ARHGAP19: variants seen among roughly 807,000 people sequenced by gnomAD.
ARHGAP19 encodes Rho GTPase activating protein 19, also known as rho GTPase-activating protein 19.
Under a neutral mutation model 60.9 loss-of-function variants are expected in ARHGAP19, and 48 were observed. The ratio of observed to expected loss-of-function variants is 0.79; its 90% CI spans 0.62 to 1.00. The LOEUF is 1.00. Among genes scored for constraint, ARHGAP19 ranks in the 50% least tolerant of loss-of-function variants. The probability of loss-of-function intolerance (pLI) is 0.00; values close to 1 mark genes in which losing one functional copy is unlikely to be tolerated. For missense variants in ARHGAP19, 562 were observed against 597.2 expected, an observed-to-expected ratio of 0.94 and a Z score of 0.61; for synonymous variants, 209 against 215.5, an observed-to-expected ratio of 0.97 and a Z score of 0.27.
At chr10:97,242,842 G>T (rs556979158) in intron 8 of ARHGAP19, among the ~76,000 whole-genome samples, 10 of 151,982 alleles carry the variant, frequency 6.6e-5, no homozygotes, top group African/African-American at 2.4e-4. Flanking sequence ...TAGAGACGGG[G>T]TTTCTCCATG....
chr10:97,255,818 C>A (rs1216721452), intron 6 of ARHGAP19, among the ~76,000 whole-genome samples: 2 of 152,058 alleles, frequency 1.3e-5, no homozygotes, highest in African/African-American at 4.8e-5. Flanking sequence ...CAGCAGGTGA[C>A]CAAGGTAGGG....
At chr10:97,246,684 A>T (rs1023661948) in intron 6 of ARHGAP19, among the ~76,000 whole-genome samples, 1 of 152,222 alleles carries the variant, frequency 6.6e-6, no homozygotes, top group African/African-American at 2.4e-5. Context: ...CTTACAAATT[A>T]TAAGTGGTCT....
At chr10:97,270,119 G>T (rs1389897566) in intron 1 of ARHGAP19, among the ~76,000 whole-genome samples, 2 of 151,880 alleles carry the variant, frequency 1.3e-5, no homozygotes, top group Admixed American at 1.3e-4. Context: ...AGATACCTTG[G>T]ATCTCCTAAC....
Position 97,224,898 on chromosome 10 carries a change from C to G in ARHGAP19, c.*1224G>C, listed in dbSNP as rs1850867367. On this transcript the variant is annotated 3_prime_UTR_variant, in exon 12 of 12. Transcript: ENST00000358531. ...AGCTCTGGCCCCATCTCCAAATTACCACCTGTGTCCCTTCTGACAAAGAGA... is the reference window on the plus strand; with the variant it reads ...AGCTCTGGCCCCATCTCCAAATTACGACCTGTGTCCCTTCTGACAAAGAGA... 6.6e-6 allele frequency: 1 copy of G among 152,412 alleles called. No individual in the cohort carries two copies. The allele number at this position is 152,412 out of a possible 1,614,324, so 9.4% of individuals were successfully genotyped here.
At position 97,222,560 on chromosome 10, in the gene ARHGAP19, T is replaced by C. The variant is rs1850823227; in HGVS notation, c.*3562A>G. 1 of 152,362 alleles carries C rather than the reference T, an allele frequency of 6.6e-6. No homozygotes were observed. Among genetic ancestry groups the C allele is most frequent in the Non-Finnish European group, 1.5e-5 (1 of 68,066 alleles). The allele number at this position is 152,362 out of a possible 1,614,324, so 9.4% of individuals were successfully genotyped here. On this transcript the variant is annotated 3_prime_UTR_variant, in exon 12 of 12. Coordinates refer to ENST00000358531, the MANE Select transcript of ARHGAP19 (RefSeq NM_032900.6). ...TGGCCTGCTTCTGTCAACTCTACGCTGGTAGAAGATCTCGGCATTAGCTGT... is the reference window on the plus strand; with the variant it reads ...TGGCCTGCTTCTGTCAACTCTACGCCGGTAGAAGATCTCGGCATTAGCTGT...
intron 1 of ARHGAP19, among the ~76,000 whole-genome samples, chr10:97,270,065 T>C (rs1337892161): frequency 6.6e-6 from 1 of 152,090 alleles, no homozygotes; most frequent in Non-Finnish European, 1.5e-5. Context: ...AATAAACAGG[T>C]TCAAGACTGC....
At chr10:97,238,642 G>A (rs1285817876) in intron 8 of ARHGAP19, among the ~76,000 whole-genome samples, 1 of 152,166 alleles carries the variant, frequency 6.6e-6, no homozygotes, top group Non-Finnish European at 1.5e-5. Flanking sequence ...TAGTGTTTTT[G>A]TGTTTTAAGC....
At chr10:97,257,896 G>A (rs1459116016) in intron 5 of ARHGAP19, among the ~76,000 whole-genome samples, 1 of 151,894 alleles carries the variant, frequency 6.6e-6, no homozygotes, top group Non-Finnish European at 1.5e-5. Context: ...CTTCCCAACA[G>A]CCTTGTGGGG....
chr10:97,236,150 T>C (rs1042316336), intron 8 of ARHGAP19, among the ~76,000 whole-genome samples: 2 of 152,148 alleles, frequency 1.3e-5, no homozygotes, highest in Admixed American at 1.3e-4. Flanking sequence ...TAATTTTTTC[T>C]ATTTTTAGTA....
chr10:97,261,314 T>C (rs1842827431), intron 4 of ARHGAP19, among the ~76,000 whole-genome samples: 1 of 146,792 alleles, frequency 6.8e-6, no homozygotes, highest in Non-Finnish European at 1.5e-5. Context: ...TCTCTGTTAA[T>C]ATGAAACTGA....
At chr10:97,269,519 T>C (rs1016463050) in intron 1 of ARHGAP19, among the ~76,000 whole-genome samples, 2 of 152,316 alleles carry the variant, frequency 1.3e-5, no homozygotes, top group East Asian at 1.9e-4. Flanking sequence ...CCAATTAGAA[T>C]TAGAAGCAAC....
intron 1 of ARHGAP19, among the ~76,000 whole-genome samples, chr10:97,273,636 G>C (rs1842988232): frequency 6.6e-6 from 1 of 151,468 alleles, no homozygotes; most frequent in Non-Finnish European, 1.5e-5. Context: ...TTACAGGTGA[G>C]TGCCATTGTG....
intron 4 of ARHGAP19, 110 bp downstream of exon 4, chr10:97,263,310 C>T: frequency 8.9e-7 from 1 of 1,127,358 alleles, no homozygotes. Flanking sequence ...GAAATCTTAA[C>T]CAATATTAAT....
intron 6 of ARHGAP19, among the ~76,000 whole-genome samples, chr10:97,255,844 A>T (rs763494967): frequency 2.6e-5 from 4 of 152,110 alleles, no homozygotes; most frequent in Non-Finnish European, 5.9e-5. Flanking sequence ...TTTATCTTCA[A>T]AAGATTTGTA....
chr10:97,258,618 G>A (rs1054895095), intron 5 of ARHGAP19: 5 of 152,984 alleles, frequency 3.3e-5, no homozygotes, highest in Admixed American at 2.0e-4. Context: ...CCATCACATA[G>A]TAAAACCATA....
intron 11 of ARHGAP19, 150 bp downstream of exon 11, chr10:97,228,997 G>A (rs1276009743): frequency 8.0e-6 from 6 of 754,022 alleles, no homozygotes; most frequent in Non-Finnish European, 1.4e-5. Flanking sequence ...ACCATCTGGT[G>A]AATGAACTCA....
chr10:97,258,331 G>A (rs753650429), intron 5 of ARHGAP19, among the ~76,000 whole-genome samples: 4 of 152,060 alleles, frequency 2.6e-5, no homozygotes, highest in African/African-American at 7.2e-5. Flanking sequence ...TTCGAGACCC[G>A]CCTGACCAAC....
intron 6 of ARHGAP19, among the ~76,000 whole-genome samples, chr10:97,247,484 C>A: frequency 6.6e-6 from 1 of 152,184 alleles, no homozygotes; most frequent in East Asian, 1.9e-4. Flanking sequence ...AGAAACCTCA[C>A]TACTGGTAAC....
chr10:97,276,996 A>G (rs9804379), intron 1 of ARHGAP19, among the ~76,000 whole-genome samples: 4 of 118 alleles, frequency 0.034, no homozygotes, highest in Non-Finnish European at 0.17. Context: ...CGCCCCGTCC[A>G]GGAGGGAGGT....
Sources: allele counts gnomAD v4.1 joint callset (sites outside exome capture counted in the v4.1 genomes callset), GRCh38; gene constraint gnomAD v4.1.1; transcripts MANE v1.5; gene names NCBI Gene and HGNC (gene_info 2026-07-23, HGNC 2026-07-21).